The following RASA2 variants were observed in gnomAD, a reference collection of about 807,000 sequenced individuals.
RASA2 encodes the protein RAS p21 protein activator 2.
In RASA2, 155 loss-of-function variants were observed where a neutral mutation model predicts 118.2. That is an observed-to-expected ratio of 1.31 (90% CI 1.15 to 1.50). The LOEUF (loss-of-function observed/expected upper bound fraction) is 1.50, where lower values mean the gene tolerates loss of function less well. Ranked by LOEUF, RASA2 falls within the 40% of genes most tolerant of loss-of-function variation. RASA2 has a pLI of 0.00. For synonymous variants in RASA2, 353 were observed against 349.1 expected (o/e 1.01, Z -0.12); for missense variants, 1,016 against 1,009.6 (o/e 1.01, Z -0.09).
intron 15 of RASA2, among the ~76,000 whole-genome samples, chr3:141,577,933 A>G (rs2083039803): frequency 6.6e-6 from 1 of 152,156 alleles, no homozygotes; most frequent in African/African-American, 2.4e-5. Context: ...TTTTTGCTAT[A>G]CTTCTGATTC....
At chr3:141,509,000 T>C (rs1424309484) in intron 1 of RASA2, among the ~76,000 whole-genome samples, 3 of 152,228 alleles carry the variant, frequency 2.0e-5, no homozygotes, top group Non-Finnish European at 4.4e-5. Context: ...CTTAGAGATA[T>C]AATAGGCACA....
intron 9 of RASA2, among the ~76,000 whole-genome samples, chr3:141,562,273 T>C (rs927251532): frequency 1.3e-5 from 2 of 151,254 alleles, no homozygotes. Context: ...AACGTATCTG[T>C]TTAATATTTG....
chr3:141,511,728 GT>G (rs1161955249), intron 1 of RASA2, among the ~76,000 whole-genome samples: 1 of 151,934 alleles, frequency 6.6e-6, no homozygotes, highest in African/African-American at 2.4e-5. Context: ...CTTTTAAGAA[GT>G]TTTTTTTCCT....
intron 9 of RASA2, among the ~76,000 whole-genome samples, chr3:141,561,030 T>G (rs886161302): frequency 1.1e-4 from 16 of 152,162 alleles, no homozygotes; most frequent in Non-Finnish European, 2.2e-4. Flanking sequence ...CTAAGATTTA[T>G]TGGTCTTTAT....
At chr3:141,590,072 A>T in intron 19 of RASA2, 2 of 452,652 alleles carry the variant, frequency 4.4e-6, no homozygotes, top group Non-Finnish European at 4.4e-6. Flanking sequence ...TTTTTGTTTT[A>T]ACTATTTTGA....
At chr3:141,594,777 C>T (rs2083341243) in intron 19 of RASA2, among the ~76,000 whole-genome samples, 1 of 152,080 alleles carries the variant, frequency 6.6e-6, no homozygotes, top group Non-Finnish European at 1.5e-5. Flanking sequence ...GGAAATTCTT[C>T]AGGCTGAAAG....
chr3:141,511,572 CAG>C (rs1304800354), intron 1 of RASA2, among the ~76,000 whole-genome samples: 1 of 152,078 alleles, frequency 6.6e-6, no homozygotes, highest in Non-Finnish European at 1.5e-5. Flanking sequence ...ATGATGAAAA[CAG>C]AGAAGTGACC....
intron 19 of RASA2, 155 bp from the exon 20 acceptor site, chr3:141,607,523 C>A: frequency 1.4e-6 from 1 of 707,300 alleles, no homozygotes; most frequent in African/African-American, 1.9e-5. Context: ...TTCCATGAAA[C>A]AAATATTTAT....
At chr3:141,593,005 A>C (rs569980041) in intron 19 of RASA2, among the ~76,000 whole-genome samples, 1 of 152,136 alleles carries the variant, frequency 6.6e-6, no homozygotes, top group Non-Finnish European at 1.5e-5. Flanking sequence ...ATATATAGCA[A>C]TTCTCTGAAG....
At chr3:141,573,105 CTACT>C in intron 12 of RASA2, 38 bp from the exon 13 acceptor site, 1 of 1,463,052 alleles carries the variant, frequency 6.8e-7, no homozygotes, top group South Asian at 1.3e-5. Flanking sequence ...TTTTGTCAGA[CTACT>C]TAGAAAAAAA....
intron 19 of RASA2, among the ~76,000 whole-genome samples, chr3:141,592,829 T>A (rs2083307927): frequency 6.8e-6 from 1 of 146,744 alleles, no homozygotes; most frequent in Non-Finnish European, 1.5e-5. Flanking sequence ...AAAAAAGAAG[T>A]AAAGAAGGGG....
Position 141,608,530 on chromosome 3 carries a change from G to A in RASA2, c.2058G>A (p.Gln686=). ...ATACGGAGAAACCACTCTATGTCCA[G>A]GCAAATAACTGTGTAGAAGCTAATG... ...VIHTEKPLYV[Q]ANNCVEANEW... is the part of the protein sequence containing the mutation. The change falls in exon 21 of 24, where the codon CAG becomes CAA. Residue 686 remains glutamine (Q), a synonymous_variant. Coordinates refer to ENST00000286364, the MANE Select transcript of RASA2 (RefSeq NM_006506.5). 3 of 1,613,924 alleles carry A rather than the reference G, an allele frequency of 1.9e-6. No individual in the cohort carries two copies. Among genetic ancestry groups the A allele is most frequent in the Non-Finnish European group, 2.5e-6 (3 of 1,179,892 alleles).
intron 19 of RASA2, among the ~76,000 whole-genome samples, chr3:141,599,043 G>A (rs1400454376): frequency 2.0e-5 from 3 of 152,008 alleles, no homozygotes; most frequent in Non-Finnish European, 4.4e-5. Context: ...AGCCGAGATC[G>A]CGCCACTGCA....
chr3:141,545,461 C>CTTTTTTTT (rs35655653), intron 5 of RASA2, among the ~76,000 whole-genome samples: 2 of 113,176 alleles, frequency 1.8e-5, no homozygotes, highest in Non-Finnish European at 3.6e-5. Flanking sequence ...GTACTACATA[C>CTTTTTTTT]TTTTTTTTTT....
At chr3:141,488,196 G>A (rs540215660) in intron 1 of RASA2, among the ~76,000 whole-genome samples, 1 of 152,064 alleles carries the variant, frequency 6.6e-6, no homozygotes, top group Admixed American at 6.5e-5. Context: ...TTATTTAGAT[G>A]AAGTGCTTTT....
At chr3:141,600,373 G>A (rs2107792673) in intron 19 of RASA2, 1 of 498,424 alleles carries the variant, frequency 2.0e-6, no homozygotes, top group South Asian at 1.5e-5. Context: ...TCTTGTCGGA[G>A]GTGTCAGTCT....
At chr3:141,567,536 A>G (rs950161489) in intron 9 of RASA2, among the ~76,000 whole-genome samples, 9 of 152,346 alleles carry the variant, frequency 5.9e-5, no homozygotes, top group African/African-American at 1.9e-4. Context: ...ATGTATTTTA[A>G]AACTTTTTAA....
chr3:141,554,019 C>T, intron 6 of RASA2, 79 bp downstream of exon 6: 1 of 1,514,582 alleles, frequency 6.6e-7, no homozygotes, highest in Non-Finnish European at 8.8e-7. Flanking sequence ...ATTCTACGAG[C>T]AAATGATAAA....
At chr3:141,538,015 A>C (rs1329596175) in intron 4 of RASA2, among the ~76,000 whole-genome samples, 1 of 152,058 alleles carries the variant, frequency 6.6e-6, no homozygotes, top group Non-Finnish European at 1.5e-5. Context: ...GTTGGCCAGA[A>C]CTACATCATA....
Sources: gnomAD v4.1 joint callset for allele counts (sites outside exome capture counted in the v4.1 genomes callset) on GRCh38, gnomAD v4.1.1 for gene constraint, MANE v1.5 for transcripts, NCBI Gene and HGNC (gene_info 2026-07-23, HGNC 2026-07-21) for gene names.